NALF1: variants seen among roughly 807,000 people sequenced by gnomAD.
NALF1 encodes NALCN channel auxiliary factor 1.
NALF1 carries 3 observed loss-of-function variants against 48.4 expected under a neutral mutation model. That is an observed-to-expected ratio of 0.06 (90% CI 0.03 to 0.16). The LOEUF (loss-of-function observed/expected upper bound fraction) is 0.16, where lower values mean the gene tolerates loss of function less well. Among genes scored for constraint, NALF1 ranks in the 10% least tolerant of loss-of-function variants. NALF1 has a pLI of 1.00. For synonymous variants in NALF1, 262 were observed against 245.7 expected, an observed-to-expected ratio of 1.07 and a Z score of -0.62; for missense variants, 526 against 571.5, an observed-to-expected ratio of 0.92 and a Z score of 0.81.
chr13:107,600,694 C>A (rs1055661197), intron 1 of NALF1, among the ~76,000 whole-genome samples: 9 of 152,006 alleles, frequency 5.9e-5, no homozygotes, highest in African/African-American at 2.2e-4. Flanking sequence ...CTTATATAGA[C>A]CCTCATTCAG....
chr13:107,269,750 G>A (rs865981083), intron 1 of NALF1, among the ~76,000 whole-genome samples: 1 of 151,940 alleles, frequency 6.6e-6, no homozygotes, highest in African/African-American at 2.4e-5. Flanking sequence ...GGGAGGAGAC[G>A]TGGAGAACAC....
intron 1 of NALF1, among the ~76,000 whole-genome samples, chr13:107,215,135 G>T (rs1344436678): frequency 6.6e-6 from 1 of 152,200 alleles, no homozygotes; most frequent in Non-Finnish European, 1.5e-5. Flanking sequence ...CGGAAGTGGG[G>T]TCTAGAAAGA....
intron 1 of NALF1, among the ~76,000 whole-genome samples, chr13:107,217,566 T>G (rs1339227770): frequency 1.3e-5 from 2 of 152,114 alleles, no homozygotes; most frequent in Non-Finnish European, 2.9e-5. Flanking sequence ...TCTCTCTTTC[T>G]CTCCCTCTCT....
At chr13:107,317,995 C>T (rs1463729936) in intron 1 of NALF1, among the ~76,000 whole-genome samples, 1 of 152,004 alleles carries the variant, frequency 6.6e-6, no homozygotes, top group East Asian at 1.9e-4. Flanking sequence ...GTTAATAGAA[C>T]TGACACAGGT....
chr13:107,341,418 A>T (rs1040265198), intron 1 of NALF1, among the ~76,000 whole-genome samples: 36 of 151,938 alleles, frequency 2.4e-4, no homozygotes, highest in African/African-American at 8.7e-4. Context: ...TGCTGTTAAG[A>T]GGGGAAGTTC....
At chr13:107,681,601 G>C (rs1165184990) in intron 1 of NALF1, among the ~76,000 whole-genome samples, 1 of 152,136 alleles carries the variant, frequency 6.6e-6, no homozygotes, top group African/African-American at 2.4e-5. Context: ...GGTGAGCTGG[G>C]GAGACTTAGT....
chr13:107,500,909 A>G (rs1457237682), intron 1 of NALF1, among the ~76,000 whole-genome samples: 1 of 150,768 alleles, frequency 6.6e-6, no homozygotes, highest in Non-Finnish European at 1.5e-5. Context: ...CAATGAAAAC[A>G]CATGGACACA....
intron 1 of NALF1, among the ~76,000 whole-genome samples, chr13:107,481,346 G>C (rs10492714): frequency 6.6e-6 from 1 of 152,058 alleles, no homozygotes; most frequent in Non-Finnish European, 1.5e-5. Flanking sequence ...GTTTGCTAAC[G>C]ATACATCTTG....
rs769667553 is a variant in NALF1, at chr13:107,504,250, CAA to C, written c.916-293497_916-293496del. On this transcript the variant is annotated intron_variant, in intron 1 of 2. Transcript: ENST00000375915. ...TGGACTACAGAGTGAGGCCCTATCT[CAA>C]AAAAAAAAAAAAAAAAAAATCAAAC... Among the ~76,000 whole-genome samples, 907 of 71,638 alleles carry C rather than the reference CAA, an allele frequency of 0.013. 26 individuals carry two copies. In the East Asian group the frequency reaches 0.16, roughly 12 times the overall value. The allele number at this position is 71,638 out of a possible 152,430, so 47.0% of individuals were successfully genotyped here.
chr13:107,622,748 T>A (rs1223574097), intron 1 of NALF1, among the ~76,000 whole-genome samples: 4 of 152,208 alleles, frequency 2.6e-5, no homozygotes, highest in Non-Finnish European at 5.9e-5. Flanking sequence ...TTATTTTTTA[T>A]TTATTTATGT....
chr13:107,443,167 ACAATCTATCTAT>A lies in NALF1; in HGVS notation c.916-232424_916-232413del, dbSNP rs1158504939. Among the ~76,000 whole-genome samples, 187 of 138,386 alleles carry A rather than the reference ACAATCTATCTAT, an allele frequency of 1.4e-3. 2 individuals are homozygous for A. Among genetic ancestry groups the A allele is most frequent in the Middle Eastern group, 7.5e-3 (2 of 266 alleles). 90.8% of individuals were successfully genotyped at this position (138,386 alleles called of 152,430 possible). A position where few individuals can be genotyped will look rare whatever the true frequency, so the allele number is the denominator to read the frequency against. On this transcript the variant is annotated intron_variant, in intron 1 of 2. Coordinates refer to ENST00000375915, the MANE Select transcript of NALF1 (RefSeq NM_001080396.3). ...CATAAATTTATTATTTATTTATCTA[ACAATCTATCTAT>A]CTATCTATCTATCTATCTATCTATC...
rs115669192 is a variant in NALF1, at chr13:107,295,294, T to C, written c.916-84539A>G. Among the ~76,000 whole-genome samples, 561 of 152,344 alleles carry C rather than the reference T, an allele frequency of 3.7e-3. 2 individuals carry two copies. Among genetic ancestry groups the C allele is most frequent in the African/African-American group, 0.013 (539 of 41,594 alleles). On this transcript the variant is annotated intron_variant, in intron 1 of 2. Coordinates refer to ENST00000375915, the MANE Select transcript of NALF1 (RefSeq NM_001080396.3). ...CTTAAGATAATGACCTCCAGTTGCA[T>C]CCATGTTGTTGCAAAGGACATGATT...
chr13:107,393,621 C>T (rs554596071), intron 1 of NALF1, among the ~76,000 whole-genome samples: 2 of 152,000 alleles, frequency 1.3e-5, no homozygotes, highest in Admixed American at 6.6e-5. Context: ...AATGAAAAGA[C>T]GGAGACAATT....
At chr13:107,410,571 CACACACACAT>C (rs1883973667) in intron 1 of NALF1, among the ~76,000 whole-genome samples, 1 of 152,048 alleles carries the variant, frequency 6.6e-6, no homozygotes, top group African/African-American at 2.4e-5. Context: ...TGTGCATGCA[CACACACACAT>C]ACACACACGA....
chr13:107,684,339 G>A (rs990068695), intron 1 of NALF1, among the ~76,000 whole-genome samples: 5 of 152,322 alleles, frequency 3.3e-5, no homozygotes, highest in South Asian at 2.1e-4. Flanking sequence ...AAGAGGAAAC[G>A]AGTGTCATAC....
chr13:107,850,428 T>A (rs1226689028), intron 1 of NALF1, among the ~76,000 whole-genome samples: 9 of 152,190 alleles, frequency 5.9e-5, no homozygotes, highest in Non-Finnish European at 1.5e-5. Flanking sequence ...TTATACTTGT[T>A]TATATTGGTT....
At chr13:107,693,436 T>G (rs9559137) in intron 1 of NALF1, among the ~76,000 whole-genome samples, 2 of 151,574 alleles carry the variant, frequency 1.3e-5, no homozygotes, top group East Asian at 3.9e-4. Context: ...CAAACCTGCA[T>G]GTTGTGCATA....
chr13:107,706,416 T>C (rs1283546545), intron 1 of NALF1, among the ~76,000 whole-genome samples: 3 of 152,206 alleles, frequency 2.0e-5, no homozygotes, highest in Non-Finnish European at 2.9e-5. Context: ...TAATAAGACA[T>C]TATAGTATAT....
intron 1 of NALF1, among the ~76,000 whole-genome samples, chr13:107,524,986 G>A (rs1422261747): frequency 5.3e-5 from 8 of 151,986 alleles, no homozygotes; most frequent in Non-Finnish European, 1.2e-4. Flanking sequence ...GACATAGAGA[G>A]CTTCCAAGCT....
Sources: gnomAD v4.1 joint callset for allele counts (sites outside exome capture counted in the v4.1 genomes callset) on GRCh38, gnomAD v4.1.1 for gene constraint, MANE v1.5 for transcripts, NCBI Gene and HGNC (gene_info 2026-07-23, HGNC 2026-07-21) for gene names.